MAGI1: variants seen among roughly 807,000 people sequenced by gnomAD.
MAGI1 encodes membrane-associated guanylate kinase, WW and PDZ domain-containing protein 1.
MAGI1 carries 58 observed loss-of-function variants against 139.9 expected under a neutral mutation model. The ratio of observed to expected loss-of-function variants is 0.41; its 90% CI spans 0.34 to 0.52. The LOEUF is 0.52. Ranked by LOEUF, MAGI1 falls within the 20% of genes least tolerant of loss-of-function variation. The probability of loss-of-function intolerance (pLI) is 0.12; values close to 1 mark genes in which losing one functional copy is unlikely to be tolerated. For missense variants in MAGI1, 1,874 were observed against 1,901.6 expected, an observed-to-expected ratio of 0.99 and a Z score of 0.27; for synonymous variants, 812 against 737.9, an observed-to-expected ratio of 1.10 and a Z score of -1.63.
chr3:65,716,832 T>C (rs767605800), intron 1 of MAGI1, among the ~76,000 whole-genome samples: 123 of 152,214 alleles, frequency 8.1e-4, no homozygotes, highest in Admixed American at 1.5e-3. Context: ...ATTTAAAAAG[T>C]GGTTTTCCAA....
chr3:65,496,393 A>T (rs1158099225), intron 2 of MAGI1, among the ~76,000 whole-genome samples: 1 of 152,082 alleles, frequency 6.6e-6, no homozygotes, highest in Non-Finnish European at 1.5e-5. Flanking sequence ...GTTTTCGGAG[A>T]GTAGGGCAGG....
chr3:66,005,905 A>C (rs531678727), intron 1 of MAGI1, among the ~76,000 whole-genome samples: 45 of 152,286 alleles, frequency 3.0e-4, no homozygotes, highest in African/African-American at 1.1e-3. Flanking sequence ...ACTTCCAATA[A>C]GATTGCAATC....
Position 65,356,286 on chromosome 3 carries a change from G to A in MAGI1, c.*92C>T, listed in dbSNP as rs1368341625. The A allele has an allele frequency of 5.5e-6, 7 of 1,283,588 alleles. No homozygotes were observed. The highest frequency in any genetic ancestry group is 7.4e-6 in the Non-Finnish European group (7 of 951,902). 79.5% of individuals were successfully genotyped at this position (1,283,588 alleles called of 1,614,324 possible). A position where few individuals can be genotyped will look rare whatever the true frequency, so the allele number is the denominator to read the frequency against. Reference sequence around the variant, plus strand: ...TTCATAGGATCATCAGGTGTCAGATGCTTCATTAGGTAAGAAACTAAATAA... The same window carrying A: ...TTCATAGGATCATCAGGTGTCAGATACTTCATTAGGTAAGAAACTAAATAA... On this transcript the variant is annotated 3_prime_UTR_variant, in exon 23 of 23. Transcript: ENST00000402939.
chr3:65,821,376 C>G (rs78554229), intron 1 of MAGI1, among the ~76,000 whole-genome samples: 3,847 of 152,218 alleles, frequency 0.025, 145 homozygotes, highest in African/African-American at 0.087. Context: ...CTCCCCATGA[C>G]TACAAGCTCC....
chr3:65,619,850 C>A, intron 2 of MAGI1: 2 of 984,830 alleles, frequency 2.0e-6, no homozygotes, highest in Non-Finnish European at 2.4e-6. Context: ...TGAATTGTTA[C>A]CTGTTTTCTC....
intron 1 of MAGI1, among the ~76,000 whole-genome samples, chr3:65,778,452 A>AAAAAAAAG (rs1380920492): frequency 1.5e-4 from 21 of 139,174 alleles, no homozygotes; most frequent in Admixed American, 7.7e-4. Context: ...AAATAAATAA[A>AAAAAAAAG]TAAGTCTTTT....
intron 2 of MAGI1, among the ~76,000 whole-genome samples, chr3:65,545,853 G>A (rs2079470576): frequency 6.6e-6 from 1 of 152,058 alleles, no homozygotes; most frequent in African/African-American, 2.4e-5. Context: ...CAGCCTGTAT[G>A]TAGTAAACGG....
chr3:65,818,321 C>T (rs890478114), intron 1 of MAGI1, among the ~76,000 whole-genome samples: 2 of 152,136 alleles, frequency 1.3e-5, no homozygotes, highest in African/African-American at 4.8e-5. Context: ...AAGCACCATA[C>T]CAGGTGCTGG....
intron 1 of MAGI1, among the ~76,000 whole-genome samples, chr3:65,846,405 G>A (rs2058996350): frequency 6.6e-6 from 1 of 152,182 alleles, no homozygotes; most frequent in South Asian, 2.1e-4. Flanking sequence ...ATGGATGCAG[G>A]TTTGGCCTTT....
At chr3:65,760,733 C>T (rs1057472074) in intron 1 of MAGI1, among the ~76,000 whole-genome samples, 1 of 152,042 alleles carries the variant, frequency 6.6e-6, no homozygotes, top group Non-Finnish European at 1.5e-5. Context: ...CCCAGATGGT[C>T]AGGCCGCAAA....
chr3:65,779,406 C>T (rs2038749477), intron 1 of MAGI1, among the ~76,000 whole-genome samples: 1 of 152,238 alleles, frequency 6.6e-6, no homozygotes, highest in Non-Finnish European at 1.5e-5. Context: ...TATCAGATGC[C>T]ATACACTAAA....
intron 1 of MAGI1, among the ~76,000 whole-genome samples, chr3:65,894,778 C>T (rs1158250667): frequency 1.3e-5 from 2 of 152,204 alleles, no homozygotes; most frequent in Non-Finnish European, 2.9e-5. Flanking sequence ...GGAGTTATCA[C>T]TCATCACCAT....
intron 1 of MAGI1, among the ~76,000 whole-genome samples, chr3:65,638,311 T>C (rs2084762487): frequency 6.6e-6 from 1 of 152,182 alleles, no homozygotes; most frequent in Non-Finnish European, 1.5e-5. Flanking sequence ...ATACCTTTCA[T>C]GAAATTCTAT....
chr3:65,983,832 T>G (rs1166035101), intron 1 of MAGI1, among the ~76,000 whole-genome samples: 2 of 152,194 alleles, frequency 1.3e-5, no homozygotes, highest in Non-Finnish European at 2.9e-5. Context: ...AAAATGGGAA[T>G]AGTGATGGTA....
chr3:65,701,346 G>A (rs528967495), intron 1 of MAGI1, among the ~76,000 whole-genome samples: 2 of 152,132 alleles, frequency 1.3e-5, no homozygotes, highest in African/African-American at 2.4e-5. Flanking sequence ...TCCACCTCCC[G>A]GGGTCAAGCG....
intron 2 of MAGI1, among the ~76,000 whole-genome samples, chr3:65,542,454 C>T (rs1268559816): frequency 2.6e-5 from 4 of 151,542 alleles, no homozygotes; most frequent in Admixed American, 1.3e-4. Context: ...AAGTGCAATC[C>T]TAAGCAAAAA....
intron 1 of MAGI1, among the ~76,000 whole-genome samples, chr3:65,918,130 AAAAG>A (rs71105950): frequency 0.2 from 30,147 of 152,090 alleles, 3,017 homozygotes; most frequent in Admixed American, 0.23. Context: ...TCAGAAAAAT[AAAAG>A]AATGAAACTA....
At chr3:66,003,148 C>A (rs1390970066) in intron 1 of MAGI1, among the ~76,000 whole-genome samples, 2 of 152,114 alleles carry the variant, frequency 1.3e-5, no homozygotes, top group African/African-American at 4.8e-5. Flanking sequence ...ATGAACAGGG[C>A]AGTTGGTGCA....
chr3:65,791,672 A>T (rs901724827), intron 1 of MAGI1, among the ~76,000 whole-genome samples: 31 of 152,236 alleles, frequency 2.0e-4, no homozygotes, highest in Admixed American at 1.7e-3. Flanking sequence ...AATTAAATTA[A>T]TGAGGAGGTA....
Sources: allele counts gnomAD v4.1 joint callset (sites outside exome capture counted in the v4.1 genomes callset), GRCh38; gene constraint gnomAD v4.1.1; transcripts MANE v1.5; gene names NCBI Gene and HGNC (gene_info 2026-07-23, HGNC 2026-07-21).